Variants in PITPNM2 observed in about 807,000 individuals in gnomAD.
PITPNM2 encodes the protein phosphatidylinositol transfer protein membrane associated 2.
Under a neutral mutation model 132.2 loss-of-function variants are expected in PITPNM2, and 35 were observed. The ratio of observed to expected loss-of-function variants is 0.26; its 90% confidence interval spans 0.20 to 0.35. The LOEUF (loss-of-function observed/expected upper bound fraction) is 0.35. PITPNM2 is among the 10% of genes least tolerant of loss of function. PITPNM2 has a pLI of 1.00. For missense variants in PITPNM2, 1,332 were observed against 1,912.0 expected, an observed-to-expected ratio of 0.70 and a Z score of 5.66; for synonymous variants, 738 against 799.2, an observed-to-expected ratio of 0.92 and a Z score of 1.29.
chr12:122,994,798 C>T lies in PITPNM2; in HGVS notation c.2233+3G>A, dbSNP rs2038350539. ...CCCCATCCTGCCCCTGCTGGGCTCT[C>T]ACCATCCAGGGCTGGGATGACAGTC... On this transcript the variant is annotated splice_donor_region_variant and intron_variant, in intron 15 of 25. Transcript: ENST00000320201. The surrounding 1 kb of genome is among the most constrained non-coding windows in gnomAD (Gnocchi z 5.4). 2.5e-6 allele frequency: 4 copies of T among 1,607,736 alleles called. No homozygotes were observed. The highest frequency in any genetic ancestry group is 2.5e-6 in the Non-Finnish European group (3 of 1,178,726).
chr12:123,025,126 G>T (rs994215314), intron 3 of PITPNM2, among the ~76,000 whole-genome samples: 1 of 152,160 alleles, frequency 6.6e-6, no homozygotes, highest in African/African-American at 2.4e-5. Context: ...AGGCAGTGGC[G>T]ACTTTAAGCC....
At chr12:123,146,623 A>G (rs1482081760) in intron 1 of PITPNM2, among the ~76,000 whole-genome samples, 2 of 151,858 alleles carry the variant, frequency 1.3e-5, no homozygotes, top group South Asian at 2.1e-4. Flanking sequence ...AAAAAATACA[A>G]TAAAAGTTTA....
intron 3 of PITPNM2, among the ~76,000 whole-genome samples, chr12:123,030,978 G>T (rs1014563253): frequency 2.0e-5 from 3 of 152,144 alleles, no homozygotes; most frequent in African/African-American, 7.2e-5. Flanking sequence ...GTGATTGTCA[G>T]GGGGTGGGGA....
Position 122,997,544 on chromosome 12 carries a change from G to T in PITPNM2, c.1253C>A (p.Pro418Gln). 6.2e-7 allele frequency: 1 copy of T among 1,612,372 alleles called. No individual in the cohort carries two copies. The highest frequency in any genetic ancestry group is 2.2e-5 in the East Asian group (1 of 44,832). ...TAGCAGCACGTGGATCTTGGAGGGC[G>T]GTGCAGCCAGCGGCTGGCTAACCTC... ...EDEVSQPLAAPPSKIHVLLLV... is the reference protein window; with the variant it reads ...EDEVSQPLAAQPSKIHVLLLV... The change falls in exon 11 of 26, where the codon CCG becomes CAG. Residue 418 changes from proline (P) to glutamine (Q), a missense_variant. By Grantham distance (76) the Pro-to-Gln change is moderately conservative. This residue lies in a region of PITPNM2 where 710 missense variants were observed against 911.5 expected (regional missense o/e 0.78). Transcript: ENST00000320201.
At chr12:123,027,089 G>A (rs1460878341) in intron 3 of PITPNM2, among the ~76,000 whole-genome samples, 1 of 152,022 alleles carries the variant, frequency 6.6e-6, no homozygotes, top group East Asian at 1.9e-4. Flanking sequence ...CCTGCCTGCT[G>A]GAGAAACAAG....
At chr12:123,103,791 T>C (rs1196070776) in intron 2 of PITPNM2, among the ~76,000 whole-genome samples, 2 of 152,242 alleles carry the variant, frequency 1.3e-5, no homozygotes, top group African/African-American at 4.8e-5. Flanking sequence ...AAGGTTGGCC[T>C]AGATGACTTC....
intron 8 of PITPNM2, 117 bp from the exon 9 acceptor site, chr12:123,001,275 C>G (rs2038664827): frequency 1.4e-6 from 1 of 693,006 alleles, no homozygotes; most frequent in Non-Finnish European, 2.6e-6. Flanking sequence ...ACAGGACGGC[C>G]ACACAGCCCC....
chr12:123,043,142 G>C (rs2136555349), intron 2 of PITPNM2, among the ~76,000 whole-genome samples: 1 of 152,104 alleles, frequency 6.6e-6, no homozygotes. Context: ...GAAACAAGCA[G>C]AGGACCCTGC....
chr12:123,143,591 C>A (rs932128366), intron 1 of PITPNM2, among the ~76,000 whole-genome samples: 3 of 152,206 alleles, frequency 2.0e-5, no homozygotes, highest in Non-Finnish European at 4.4e-5. Context: ...AGGAACCCCC[C>A]ATCTTGGCCT....
chr12:123,098,552 T>C (rs967978478), intron 2 of PITPNM2, among the ~76,000 whole-genome samples: 3 of 151,824 alleles, frequency 2.0e-5, no homozygotes, highest in African/African-American at 7.3e-5. Flanking sequence ...AAGAGAACAA[T>C]TTTTTTTAAT....
chr12:123,097,604 C>T lies in PITPNM2; in HGVS notation c.-96+12781G>A, dbSNP rs1321025226. ...GGGTTCCAGCAGACTTATTTATAGC[C>T]AAGCAGCCTGTCCGCACGCTCTCCA... On this transcript the variant is annotated intron_variant, in intron 2 of 25. Transcript: ENST00000320201. The surrounding 1 kb of genome is among the most constrained non-coding windows in gnomAD (Gnocchi z 4.7). Among the ~76,000 whole-genome samples, 2 of 152,206 alleles carry T rather than the reference C, an allele frequency of 1.3e-5. No individual in the cohort carries two copies. The highest frequency in any genetic ancestry group is 2.9e-5 in the Non-Finnish European group (2 of 68,044).
intron 2 of PITPNM2, among the ~76,000 whole-genome samples, chr12:123,093,568 C>T (rs1410907558): frequency 6.6e-6 from 1 of 152,120 alleles, no homozygotes; most frequent in Non-Finnish European, 1.5e-5. Flanking sequence ...TGCTCCTGAG[C>T]CCCTTCCTCC....
rs377274649 is a variant in PITPNM2 at position 123,036,153 on chromosome 12, G to A, written c.-95-1468C>T. Among the ~76,000 whole-genome samples the A allele has an allele frequency of 6.6e-6, 1 of 152,226 alleles. No homozygotes were observed. Among genetic ancestry groups the A allele is most frequent in the Non-Finnish European group, 1.5e-5 (1 of 68,042 alleles). Reference sequence around the variant, plus strand: ...CAGTCAGGCAACTTCCCCAGGGCACGGCTCTCTATCGGGCATTGGAGTATC... The same window carrying A: ...CAGTCAGGCAACTTCCCCAGGGCACAGCTCTCTATCGGGCATTGGAGTATC... On this transcript the variant is annotated intron_variant, in intron 2 of 25. Transcript: ENST00000320201. This position sits in a 1 kb window ranked among gnomAD's most constrained non-coding sequence, Gnocchi z 4.1.
intron 2 of PITPNM2, among the ~76,000 whole-genome samples, chr12:123,080,091 C>T (rs1377697003): frequency 3.9e-5 from 6 of 152,198 alleles, no homozygotes; most frequent in Non-Finnish European, 4.4e-5. Context: ...CATGTTGTGG[C>T]GTGTGTCAGT....
intron 18 of PITPNM2, 80 bp from the exon 19 acceptor site, chr12:122,988,952 C>T: frequency 7.0e-7 from 1 of 1,422,710 alleles, no homozygotes; most frequent in Non-Finnish European, 9.3e-7. Context: ...CCCCTCTGGC[C>T]TGCTCAGCCC....
intron 2 of PITPNM2, among the ~76,000 whole-genome samples, chr12:123,057,017 G>A (rs999536311): frequency 1.3e-5 from 2 of 152,170 alleles, no homozygotes; most frequent in African/African-American, 4.8e-5. Flanking sequence ...AAAGAGAAAA[G>A]CGCGTCTGAG....
chr12:123,123,123 C>T (rs144435430), intron 1 of PITPNM2, among the ~76,000 whole-genome samples: 2 of 152,308 alleles, frequency 1.3e-5, no homozygotes, highest in Non-Finnish European at 2.9e-5. Flanking sequence ...TCTGCTCTTA[C>T]AATCTAAAAC....
chr12:123,062,866 T>C (rs1469532340), intron 2 of PITPNM2, among the ~76,000 whole-genome samples: 1 of 152,206 alleles, frequency 6.6e-6, no homozygotes, highest in East Asian at 1.9e-4. Context: ...CAACTGCATA[T>C]CACCCCTGCT....
chr12:123,107,798 G>A (rs2042752783), intron 2 of PITPNM2, among the ~76,000 whole-genome samples: 1 of 152,226 alleles, frequency 6.6e-6, no homozygotes, highest in Non-Finnish European at 1.5e-5. Context: ...TCTAGTCCAG[G>A]ATCTGGGGGG....
Sources: gnomAD v4.1 joint callset for allele counts (sites outside exome capture counted in the v4.1 genomes callset) on GRCh38, gnomAD v4.1.1 for gene constraint, gnomAD v4.1.1 regional missense constraint, Gnocchi (gnomAD v3.1) non-coding constraint, MANE v1.5 for transcripts, NCBI Gene and HGNC (gene_info 2026-07-23, HGNC 2026-07-21) for gene names.